TNIK: variants seen among roughly 807,000 people sequenced by gnomAD.
The protein encoded by TNIK is TRAF2 and NCK-interacting protein kinase.
A neutral mutation model predicts 191.3 loss-of-function variants in TNIK; 49 were observed. That is an observed-to-expected ratio of 0.26 (90% confidence interval 0.20 to 0.32). The LOEUF is 0.32. TNIK is among the 10% of genes least tolerant of loss of function. The pLI, the probability that TNIK is intolerant of heterozygous loss-of-function variation, is 1.00. For missense variants in TNIK, 1,155 were observed against 1,702.3 expected (o/e 0.68, Z 5.66); for synonymous variants, 594 against 600.9 (o/e 0.99, Z 0.17).
intron 2 of TNIK, among the ~76,000 whole-genome samples, chr3:171,346,732 A>G (rs975354090): frequency 2.0e-5 from 3 of 150,804 alleles, no homozygotes; most frequent in African/African-American, 7.3e-5. Context: ...TTCCAGGAGC[A>G]GGAATGTGCA....
At chr3:171,097,154 C>T (rs1335979411) in intron 22 of TNIK, among the ~76,000 whole-genome samples, 3 of 152,070 alleles carry the variant, frequency 2.0e-5, no homozygotes, top group African/African-American at 7.2e-5. Flanking sequence ...AGATCAGAAG[C>T]TCCCAGGAAA....
At chr3:171,365,158 A>ATTTTTTT (rs1715515509) in intron 2 of TNIK, among the ~76,000 whole-genome samples, 1 of 51,594 alleles carries the variant, frequency 1.9e-5, no homozygotes, top group South Asian at 6.5e-4. Flanking sequence ...AAAGGACTAC[A>ATTTTTTT]TTCTTTTTTT....
intron 7 of TNIK, among the ~76,000 whole-genome samples, chr3:171,187,556 A>G (rs906398123): frequency 1.3e-5 from 2 of 152,202 alleles, no homozygotes; most frequent in African/African-American, 4.8e-5. Flanking sequence ...AGAACTAAAA[A>G]TATTCCTTAA....
intron 27 of TNIK, among the ~76,000 whole-genome samples, chr3:171,080,700 CA>C (rs1046871704): frequency 6.6e-6 from 1 of 151,348 alleles, no homozygotes; most frequent in African/African-American, 2.4e-5. Context: ...CGGCCTCTCC[CA>C]AAAAAAATGT....
intron 29 of TNIK, among the ~76,000 whole-genome samples, chr3:171,070,178 A>T (rs1231495106): frequency 6.6e-6 from 1 of 152,068 alleles, no homozygotes; most frequent in Non-Finnish European, 1.5e-5. Context: ...ATGCATTCCA[A>T]TTTTTTTCCA....
At chr3:171,239,644 G>A (rs949194698) in intron 2 of TNIK, among the ~76,000 whole-genome samples, 3 of 152,246 alleles carry the variant, frequency 2.0e-5, no homozygotes, top group Non-Finnish European at 2.9e-5. Context: ...TTCTGTGTCA[G>A]CACAGACTGC....
At chr3:171,428,639 T>C (rs575679890) in intron 1 of TNIK, among the ~76,000 whole-genome samples, 38 of 108,888 alleles carry the variant, frequency 3.5e-4, no homozygotes, top group African/African-American at 1.3e-3. Context: ...CCACTACAGA[T>C]AACTCTGCTT....
At chr3:171,427,505 A>G (rs1467810146) in intron 1 of TNIK, among the ~76,000 whole-genome samples, 1 of 152,194 alleles carries the variant, frequency 6.6e-6, no homozygotes, top group Admixed American at 6.5e-5. Context: ...AATGGAGTAT[A>G]ATGCCCACCG....
At chr3:171,388,239 G>A (rs1391529939) in intron 1 of TNIK, among the ~76,000 whole-genome samples, 2 of 152,122 alleles carry the variant, frequency 1.3e-5, no homozygotes, top group Non-Finnish European at 2.9e-5. Flanking sequence ...TTTCCTCTGG[G>A]CAGAGATGTC....
At chr3:171,452,605 A>T (rs2108732448) in intron 1 of TNIK, among the ~76,000 whole-genome samples, 1 of 151,942 alleles carries the variant, frequency 6.6e-6, no homozygotes, top group African/African-American at 2.4e-5. Context: ...CAAGATAAAA[A>T]CTCAACGTTG....
chr3:171,203,453 T>G (rs923372974), intron 4 of TNIK, among the ~76,000 whole-genome samples: 3 of 152,208 alleles, frequency 2.0e-5, no homozygotes, highest in African/African-American at 7.2e-5. Context: ...ATTTGATATG[T>G]GCCCTCTAAA....
intron 2 of TNIK, among the ~76,000 whole-genome samples, chr3:171,325,111 T>A (rs1450734715): frequency 4.0e-5 from 6 of 151,600 alleles, no homozygotes; most frequent in African/African-American, 1.5e-4. Flanking sequence ...AATAAATAAA[T>A]AAATAAATAA....
chr3:171,199,376 G>A (rs991505283), intron 4 of TNIK, among the ~76,000 whole-genome samples: 1 of 152,134 alleles, frequency 6.6e-6, no homozygotes, highest in Non-Finnish European at 1.5e-5. Context: ...GCAGTGATAA[G>A]TCAATAACTT....
chr3:171,207,024 G>A (rs1393844993), intron 4 of TNIK, among the ~76,000 whole-genome samples: 2 of 150,386 alleles, frequency 1.3e-5, no homozygotes, highest in Non-Finnish European at 2.9e-5. Context: ...CTACATTAAT[G>A]CTTTTTTTTT....
intron 2 of TNIK, among the ~76,000 whole-genome samples, chr3:171,277,786 G>A (rs912910892): frequency 6.6e-6 from 1 of 152,224 alleles, no homozygotes; most frequent in African/African-American, 2.4e-5. Context: ...TTTACTATGT[G>A]GCCCTTTATA....
At chr3:171,417,398 C>T (rs1446154828) in intron 1 of TNIK, among the ~76,000 whole-genome samples, 1 of 152,176 alleles carries the variant, frequency 6.6e-6, no homozygotes, top group African/African-American at 2.4e-5. Context: ...ATCCCAGTAT[C>T]ATGATTTATA....
chr3:171,403,644 G>C (rs1323180567), intron 1 of TNIK, among the ~76,000 whole-genome samples: 1 of 150,922 alleles, frequency 6.6e-6, no homozygotes, highest in East Asian at 1.9e-4. Context: ...GAAAAGAAAA[G>C]GGGGTGAATA....
At chr3:171,136,350 C>T (rs1474180740) in intron 15 of TNIK, among the ~76,000 whole-genome samples, 1 of 152,194 alleles carries the variant, frequency 6.6e-6, no homozygotes. Context: ...CTCTAAGGCC[C>T]TCCTGAATTG....
At chr3:171,091,105 C>T (rs1721997795) in intron 23 of TNIK, among the ~76,000 whole-genome samples, 3 of 152,126 alleles carry the variant, frequency 2.0e-5, no homozygotes, top group Admixed American at 2.0e-4. Context: ...GTCAACTTGA[C>T]TAGACCATGG....
Sources: gnomAD v4.1 joint callset for allele counts (sites outside exome capture counted in the v4.1 genomes callset) on GRCh38, gnomAD v4.1.1 for gene constraint, MANE v1.5 for transcripts, NCBI Gene and HGNC (gene_info 2026-07-23, HGNC 2026-07-21) for gene names.